The following GRIA1 variants were observed in gnomAD, a reference collection of about 807,000 sequenced individuals.
GRIA1 encodes glutamate receptor 1.
A neutral mutation model predicts 99.2 loss-of-function variants in GRIA1; 31 were observed. That is an observed-to-expected ratio of 0.31 (90% CI 0.23 to 0.42). GRIA1 has a LOEUF of 0.42. Among genes scored for constraint, GRIA1 ranks in the 10% least tolerant of loss-of-function variants. The pLI is 1.00. For synonymous variants in GRIA1, 438 were observed against 432.4 expected (o/e 1.01, Z -0.16); for missense variants, 782 against 1,157.5 (o/e 0.68, Z 4.71).
chr5:153,522,832 A>G (rs748835561), intron 2 of GRIA1, among the ~76,000 whole-genome samples: 2 of 152,202 alleles, frequency 1.3e-5, no homozygotes, highest in Non-Finnish European at 2.9e-5. Context: ...GGAATAGCTA[A>G]ATGTTATCTC....
chr5:153,642,239 C>A (rs910855952), intron 2 of GRIA1, among the ~76,000 whole-genome samples: 1 of 152,156 alleles, frequency 6.6e-6, no homozygotes, highest in Non-Finnish European at 1.5e-5. Context: ...ATATCACAGA[C>A]ATTAAGGACT....
chr5:153,676,957 C>T, intron 6 of GRIA1, 37 bp from the exon 7 acceptor site: 3 of 1,347,182 alleles, frequency 2.2e-6, no homozygotes, highest in Non-Finnish European at 2.9e-6. Context: ...CCTGTCAGCT[C>T]TCTTTGATAC....
At chr5:153,738,974 G>A (rs187573396) in intron 11 of GRIA1, among the ~76,000 whole-genome samples, 193 of 151,540 alleles carry the variant, frequency 1.3e-3, no homozygotes, top group African/African-American at 3.9e-3. Flanking sequence ...CACCCACCTC[G>A]GCCTCCCAAA....
In GRIA1 at chr5:153,492,302, C is replaced by T. The variant is rs191642595; in HGVS notation, c.82+1332C>T. 4.8e-5 allele frequency: 73 copies of T among 1,534,952 alleles called. No individual in the cohort carries two copies. The East Asian group carries it at 1.8e-3, about 37-fold the overall frequency. On this transcript the variant is annotated intron_variant, in intron 1 of 15. Transcript: ENST00000285900. Reference sequence around the variant, plus strand: ...TTCCTGACACCTGTTAAGCTACATCCTGAAGTGTGTACGTATCTGTGTGTT... The same window carrying T: ...TTCCTGACACCTGTTAAGCTACATCTTGAAGTGTGTACGTATCTGTGTGTT...
At chr5:153,780,497 G>A (rs1161946803) in intron 13 of GRIA1, among the ~76,000 whole-genome samples, 2 of 152,224 alleles carry the variant, frequency 1.3e-5, no homozygotes, top group Admixed American at 6.5e-5. Flanking sequence ...TAAAAAACTG[G>A]AGGTAACTCT....
At chr5:153,718,895 C>A (rs909981849) in intron 11 of GRIA1, among the ~76,000 whole-genome samples, 2 of 152,158 alleles carry the variant, frequency 1.3e-5, no homozygotes, top group East Asian at 3.9e-4. Flanking sequence ...AGGATATTGG[C>A]AGCATCACTC....
At chr5:153,693,664 G>A (rs1757913874) in intron 8 of GRIA1, among the ~76,000 whole-genome samples, 1 of 152,104 alleles carries the variant, frequency 6.6e-6, no homozygotes, top group African/African-American at 2.4e-5. Context: ...GGAAAACACG[G>A]AGATCAAAAA....
chr5:153,772,639 A>G lies in GRIA1; in HGVS notation c.2270+2224A>G, dbSNP rs962447136. Among the ~76,000 whole-genome samples, 27 of 152,314 alleles carry G rather than the reference A, an allele frequency of 1.8e-4. 2 individuals are homozygous for G. The highest frequency in any genetic ancestry group is 3.4e-3 in the Middle Eastern group (1 of 294). ...ATGAAGACAAATCAAATGGCCTGGT[A>G]TTTATCAGTCATGTGTTTTTGCCTG... On this transcript the variant is annotated intron_variant, in intron 13 of 15. Transcript: ENST00000285900.
chr5:153,494,129 G>A, intron 2 of GRIA1, 64 bp downstream of exon 2: 21 of 1,552,226 alleles, frequency 1.4e-5, no homozygotes, highest in Non-Finnish European at 1.8e-5. Context: ...GAGGGCCTGT[G>A]GGTAGGTGGT....
chr5:153,732,340 C>A (rs530909116), intron 11 of GRIA1, among the ~76,000 whole-genome samples: 1 of 152,026 alleles, frequency 6.6e-6, no homozygotes, highest in Non-Finnish European at 1.5e-5. Context: ...ACATTCACAC[C>A]AACAATATAT....
chr5:153,705,283 C>T (rs554901942), intron 10 of GRIA1, among the ~76,000 whole-genome samples: 54 of 152,212 alleles, frequency 3.5e-4, no homozygotes, highest in African/African-American at 1.2e-3. Flanking sequence ...ATGGATTGAC[C>T]GGGACCTGGG....
intron 13 of GRIA1, among the ~76,000 whole-genome samples, chr5:153,786,602 G>A (rs1381632587): frequency 1.3e-5 from 2 of 152,078 alleles, no homozygotes; most frequent in Non-Finnish European, 2.9e-5. Context: ...TTGACCCAAA[G>A]ACACTAACTC....
upstream of GRIA1, chr5:153,489,964 C>A: frequency 2.5e-6 from 1 of 403,854 alleles, no homozygotes. Flanking sequence ...CACCGTTTCA[C>A]TTGTAAAGGT....
At chr5:153,658,489 C>T (rs1755114733) in intron 5 of GRIA1, among the ~76,000 whole-genome samples, 1 of 152,156 alleles carries the variant, frequency 6.6e-6, no homozygotes, top group African/African-American at 2.4e-5. Flanking sequence ...TTGCATATAC[C>T]ATCCAAATAA....
At chr5:153,529,412 T>C (rs932632463) in intron 2 of GRIA1, among the ~76,000 whole-genome samples, 2 of 152,192 alleles carry the variant, frequency 1.3e-5, no homozygotes, top group African/African-American at 2.4e-5. Flanking sequence ...GTTCAGGCTT[T>C]AGATGAGGCA....
At chr5:153,714,489 T>A (rs983873226) in intron 11 of GRIA1, among the ~76,000 whole-genome samples, 2 of 152,264 alleles carry the variant, frequency 1.3e-5, no homozygotes, top group Admixed American at 1.3e-4. Context: ...AGAAAGATGG[T>A]CCCTAAATTC....
intron 13 of GRIA1, among the ~76,000 whole-genome samples, chr5:153,773,280 C>G (rs967007523): frequency 2.0e-5 from 3 of 152,224 alleles, no homozygotes; most frequent in Admixed American, 6.5e-5. Context: ...AGATTTCAAG[C>G]CCTGGCAGTC....
Position 153,726,689 on chromosome 5 carries a change from C to G in GRIA1, c.1823+20622C>G, listed in dbSNP as rs535577606. 6.6e-5 allele frequency among the ~76,000 whole-genome samples: 10 copies of G among 152,226 alleles called. No homozygotes were observed. In the South Asian group the frequency reaches 1.7e-3, roughly 25 times the overall value. Reference sequence around the variant, plus strand: ...ATACACCCTCCCAAGACTAAACCAGCAAGAAGTTGAATATCTGAGTAGACC... The same window carrying G: ...ATACACCCTCCCAAGACTAAACCAGGAAGAAGTTGAATATCTGAGTAGACC... On this transcript the variant is annotated intron_variant, in intron 11 of 15. Transcript: ENST00000285900.
At chr5:153,715,764 T>C (rs1346759088) in intron 11 of GRIA1, among the ~76,000 whole-genome samples, 1 of 152,212 alleles carries the variant, frequency 6.6e-6, no homozygotes, top group Non-Finnish European at 1.5e-5. Context: ...GTAGACTCAT[T>C]TCTACAACTT....
Sources: allele counts gnomAD v4.1 joint callset (sites outside exome capture counted in the v4.1 genomes callset), GRCh38; gene constraint gnomAD v4.1.1; transcripts MANE v1.5; gene names NCBI Gene and HGNC (gene_info 2026-07-23, HGNC 2026-07-21).